LRRC8B: variants seen among roughly 807,000 people sequenced by gnomAD.
LRRC8B encodes the protein leucine rich repeat containing 8 VRAC subunit B.
LRRC8B carries 23 observed loss-of-function variants against 58.8 expected under a neutral mutation model. The ratio of observed to expected loss-of-function variants is 0.39; its 90% CI spans 0.28 to 0.55. The LOEUF is 0.55. Among genes scored for constraint, LRRC8B ranks in the 20% least tolerant of loss-of-function variants. The pLI, the probability that LRRC8B is intolerant of heterozygous loss-of-function variation, is 0.62. For synonymous variants in LRRC8B, 359 were observed against 374.1 expected, an observed-to-expected ratio of 0.96 and a Z score of 0.47; for missense variants, 694 against 936.0, an observed-to-expected ratio of 0.74 and a Z score of 3.37.
At chr1:89,525,624 C>G (rs978039706) in intron 1 of LRRC8B, among the ~76,000 whole-genome samples, 2 of 152,236 alleles carry the variant, frequency 1.3e-5, no homozygotes, top group African/African-American at 4.8e-5. Flanking sequence ...GAAGAAGACT[C>G]AAGAGTTTCC....
At chr1:89,555,484 T>C (rs1041349973) in intron 1 of LRRC8B, among the ~76,000 whole-genome samples, 7 of 152,218 alleles carry the variant, frequency 4.6e-5, no homozygotes, top group African/African-American at 1.7e-4. Context: ...TCAATTAATA[T>C]TTAGTAGCAG....
At position 89,575,396 on chromosome 1, in the gene LRRC8B, C is replaced by T. The variant is rs1653766881; in HGVS notation, c.-124-4195C>T. Reference sequence around the variant, plus strand: ...GGACACTCGAAGAGCCACATGGAGTCTCACATGAAGGAGTTACCAGCCAGC... The same window carrying T: ...GGACACTCGAAGAGCCACATGGAGTTTCACATGAAGGAGTTACCAGCCAGC... On this transcript the variant is annotated intron_variant, in intron 3 of 5. Coordinates refer to ENST00000330947, the MANE Select transcript of LRRC8B (RefSeq NM_001369817.2). Among the ~76,000 whole-genome samples, 3 of 152,172 alleles carry T rather than the reference C, an allele frequency of 2.0e-5. 1 individual carries two copies. In the South Asian group the frequency reaches 6.2e-4, roughly 31 times the overall value.
chr1:89,526,848 C>A (rs1045674111), intron 1 of LRRC8B: 2 of 152,204 alleles, frequency 1.3e-5, no homozygotes, highest in Admixed American at 1.3e-4. Context: ...ACATGTTCAG[C>A]CTATTATGAA....
chr1:89,545,328 AT>A (rs1461734450), intron 1 of LRRC8B, among the ~76,000 whole-genome samples: 1 of 152,264 alleles, frequency 6.6e-6, no homozygotes, highest in African/African-American at 2.4e-5. Context: ...TCTTTACATA[AT>A]AATCACATTT....
At chr1:89,535,928 G>A (rs1650494282) in intron 1 of LRRC8B, among the ~76,000 whole-genome samples, 1 of 152,042 alleles carries the variant, frequency 6.6e-6, no homozygotes, top group Admixed American at 6.6e-5. Context: ...CAATTGAGAG[G>A]GAGAGGACAA....
intron 5 of LRRC8B, among the ~76,000 whole-genome samples, chr1:89,592,308 C>T (rs1258778624): frequency 6.6e-6 from 1 of 152,074 alleles, no homozygotes; most frequent in Admixed American, 6.5e-5. Context: ...ATAAGGTTTT[C>T]AGTCTGCTGT....
At chr1:89,548,978 A>G (rs888892326) in intron 1 of LRRC8B, among the ~76,000 whole-genome samples, 1 of 152,154 alleles carries the variant, frequency 6.6e-6, no homozygotes, top group African/African-American at 2.4e-5. Context: ...CTAAGAAAAA[A>G]GGACATATTA....
chr1:89,562,097 C>G (rs1188028372), intron 1 of LRRC8B, among the ~76,000 whole-genome samples: 2 of 151,318 alleles, frequency 1.3e-5, no homozygotes, highest in Non-Finnish European at 2.9e-5. Flanking sequence ...GTAAGTGTGT[C>G]TGCTATCACT....
chr1:89,566,976 A>T (rs768570009), intron 1 of LRRC8B, among the ~76,000 whole-genome samples: 3 of 152,194 alleles, frequency 2.0e-5, no homozygotes, highest in Non-Finnish European at 4.4e-5. Flanking sequence ...TTGACTTTTT[A>T]AGTTAAAATA....
At position 89,597,659 on chromosome 1, in the gene LRRC8B, A is replaced by C. The variant is rs561196441; in HGVS notation, c.*4616A>C. On this transcript the variant is annotated 3_prime_UTR_variant, in exon 6 of 6. Coordinates refer to ENST00000330947, the MANE Select transcript of LRRC8B (RefSeq NM_001369817.2). The stretch of plus-strand genomic sequence containing the variant: ...GTGTACAATTGTTTTTGCTTCTGGT[A>C]ATGAATTATTAGAAAATGGAAGATT... 2 of 152,292 alleles carry C rather than the reference A, an allele frequency of 1.3e-5. No homozygotes were observed. Among genetic ancestry groups the C allele is most frequent in the East Asian group, 3.9e-4 (2 of 5,184 alleles). 9.4% of individuals were successfully genotyped at this position (152,292 alleles called of 1,614,324 possible).
Position 89,594,810 on chromosome 1 carries a change from T to C in LRRC8B, c.*1767T>C, listed in dbSNP as rs551328777. 1 of 152,304 alleles carries C rather than the reference T, an allele frequency of 6.6e-6. No homozygotes were observed. Among genetic ancestry groups the C allele is most frequent in the South Asian group, 2.1e-4 (1 of 4,830 alleles). 9.4% of individuals were successfully genotyped at this position (152,304 alleles called of 1,614,324 possible). A position where few individuals can be genotyped will look rare whatever the true frequency, so the allele number is the denominator to read the frequency against. On this transcript the variant is annotated 3_prime_UTR_variant, in exon 6 of 6. Transcript: ENST00000330947. The stretch of plus-strand genomic sequence containing the variant: ...TTCCCTAAGGGTCTAGGCATTATGA[T>C]GCCACCTCTTCATTTTGGATATAAC...
At chr1:89,543,895 C>A (rs1651211459) in intron 1 of LRRC8B, among the ~76,000 whole-genome samples, 1 of 152,038 alleles carries the variant, frequency 6.6e-6, no homozygotes, top group Non-Finnish European at 1.5e-5. Context: ...TCAGGCTATC[C>A]TCCTGCCTCA....
rs1655319021 is a variant in LRRC8B at position 89,596,563 on chromosome 1, TCAAA to T, written c.*3524_*3527del. On this transcript the variant is annotated 3_prime_UTR_variant, in exon 6 of 6. Coordinates refer to ENST00000330947, the MANE Select transcript of LRRC8B (RefSeq NM_001369817.2). ...ATGGGTTCAAAAACCATTAAAATAA[TCAAA>T]CAATTATTCTGTGCCCTTAACATTA... is the stretch of plus-strand genomic sequence containing the variant. The T allele has an allele frequency of 6.6e-6, 1 of 152,096 alleles. No homozygotes were observed. The highest frequency in any genetic ancestry group is 2.4e-5 in the African/African-American group (1 of 41,412). 9.4% of individuals were successfully genotyped at this position (152,096 alleles called of 1,614,324 possible). A position where few individuals can be genotyped will look rare whatever the true frequency, so the allele number is the denominator to read the frequency against.
Position 89,576,334 on chromosome 1 carries a change from C to G in LRRC8B, c.-124-3257C>G, listed in dbSNP as rs930421849. 2.0e-5 allele frequency among the ~76,000 whole-genome samples: 3 copies of G among 152,140 alleles called. No individual in the cohort carries two copies. The East Asian group carries it at 5.8e-4, about 29-fold the overall frequency. On this transcript the variant is annotated intron_variant, in intron 3 of 5. Coordinates refer to ENST00000330947, the MANE Select transcript of LRRC8B (RefSeq NM_001369817.2). ...GAAGACTTAAAAGACAGGCACTTTTCTCAGACAGTTTATTGTCTATCTTGT... is the reference window on the plus strand; with the variant it reads ...GAAGACTTAAAAGACAGGCACTTTTGTCAGACAGTTTATTGTCTATCTTGT...
intron 3 of LRRC8B, among the ~76,000 whole-genome samples, chr1:89,569,682 C>T (rs753286898): frequency 3.3e-5 from 5 of 151,766 alleles, no homozygotes; most frequent in Non-Finnish European, 7.4e-5. Flanking sequence ...ATGGTGTATA[C>T]GTATCATATT....
intron 3 of LRRC8B, chr1:89,572,525 G>A (rs1358166013): frequency 6.6e-6 from 1 of 152,114 alleles, no homozygotes; most frequent in Non-Finnish European, 1.5e-5. Context: ...CATATTTCTT[G>A]GAGGCTTTGT....
chr1:89,584,123 C>T lies in LRRC8B; in HGVS notation c.1473C>T (p.Ile491=). Residue 491 remains isoleucine (I), a synonymous_variant, in exon 5 of 6, where the codon ATC becomes ATT. Transcript: ENST00000330947. ...CCTTTCTAGAGGAGAATTTAAAAAT[C>T]CTCCGCCTGAAATTTACTGAAATGG... The part of the protein sequence containing the change: ...ALAFLEENLK[I]LRLKFTEMGK... The T allele has an allele frequency of 6.2e-7, 1 of 1,613,456 alleles. No homozygotes were observed. The highest frequency in any genetic ancestry group is 8.5e-7 in the Non-Finnish European group (1 of 1,179,992).
intron 1 of LRRC8B, among the ~76,000 whole-genome samples, chr1:89,537,050 G>T (rs1570560649): frequency 6.6e-6 from 1 of 152,144 alleles, no homozygotes; most frequent in Middle Eastern, 3.2e-3. Flanking sequence ...GAAAGGCAAA[G>T]TAAAAATTTT....
intron 1 of LRRC8B, among the ~76,000 whole-genome samples, chr1:89,527,194 A>AT (rs1426945981): frequency 6.6e-6 from 1 of 152,124 alleles, no homozygotes; most frequent in East Asian, 1.9e-4. Context: ...TTGTTTTTGT[A>AT]TTTTAGTTTT....
Sources: gnomAD v4.1 joint callset for allele counts (sites outside exome capture counted in the v4.1 genomes callset) on GRCh38, gnomAD v4.1.1 for gene constraint, MANE v1.5 for transcripts, NCBI Gene and HGNC (gene_info 2026-07-23, HGNC 2026-07-21) for gene names.